Variants in SCN2A observed in about 807,000 individuals in gnomAD.
SCN2A encodes the protein sodium voltage-gated channel alpha subunit 2.
Under a neutral mutation model 188.7 loss-of-function variants are expected in SCN2A, and 20 were observed. That is an observed-to-expected ratio of 0.11 (90% CI 0.07 to 0.15). The LOEUF (loss-of-function observed/expected upper bound fraction) is 0.15. Among genes scored for constraint, SCN2A ranks in the 10% least tolerant of loss-of-function variants. The pLI is 1.00. For synonymous variants in SCN2A, 804 were observed against 833.1 expected (o/e 0.97, Z 0.60); for missense variants, 1,278 against 2,445.0 (o/e 0.52, Z 10.07).
chr2:165,366,878 A>G (rs369491285), intron 18 of SCN2A, among the ~76,000 whole-genome samples: 1 of 152,322 alleles, frequency 6.6e-6, no homozygotes, highest in African/African-American at 2.4e-5. Flanking sequence ...AAGTGTCCAT[A>G]TAGAGTGGAA....
intron 16 of SCN2A, among the ~76,000 whole-genome samples, chr2:165,350,856 GAA>G (rs978745209): frequency 1.2e-4 from 19 of 152,114 alleles, no homozygotes; most frequent in Non-Finnish European, 2.4e-4. Context: ...AGGAAGTCCA[GAA>G]AAAGAGAATA....
At chr2:165,296,209 C>A in intron 2 of SCN2A, 119 bp downstream of exon 2, 1 of 947,766 alleles carries the variant, frequency 1.1e-6, no homozygotes, top group African/African-American at 1.6e-5. Flanking sequence ...CACTAAGATG[C>A]TGGATGGGCC....
chr2:165,335,998 C>G (rs1197756435), intron 14 of SCN2A, among the ~76,000 whole-genome samples: 1 of 151,830 alleles, frequency 6.6e-6, no homozygotes, highest in African/African-American at 2.4e-5. Flanking sequence ...AAAAGATGGT[C>G]AGCGTCACTG....
chr2:165,386,163 G>T (rs1241917219), intron 25 of SCN2A, among the ~76,000 whole-genome samples: 1 of 151,992 alleles, frequency 6.6e-6, no homozygotes, highest in African/African-American at 2.4e-5. Context: ...CTATGAGGTA[G>T]CATTAAGAGA....
chr2:165,310,541 A>G lies in SCN2A; in HGVS notation c.916A>G (p.Thr306Ala), dbSNP rs370114048. 1.2e-6 allele frequency: 2 copies of G among 1,612,862 alleles called. No homozygotes were observed. The highest frequency in any genetic ancestry group is 4.5e-5 in the East Asian group (2 of 44,882). The change falls in exon 7 of 27, where the codon ACT becomes GCT. Residue 306 changes from threonine to alanine, a missense_variant. Thr to Ala is a moderately conservative substitution (Grantham distance 58). Around this residue, in one of 17 missense-constraint regions of SCN2A, gnomAD observed 45 missense variants for 58.1 expected, o/e 0.77. Coordinates refer to ENST00000375437, the MANE Select transcript of SCN2A (RefSeq NM_001040142.2). ...CAATTCATTGGATGGGAATGGTACT[A>G]CTTTCAATAGGACAGTGAGCATATT... ...FNNSLDGNGTTFNRTVSIFNW... is the reference protein window; with the variant it reads ...FNNSLDGNGTAFNRTVSIFNW...
intron 14 of SCN2A, among the ~76,000 whole-genome samples, chr2:165,333,354 C>T (rs1248752098): frequency 1.3e-5 from 2 of 151,920 alleles, no homozygotes; most frequent in African/African-American, 4.8e-5. Flanking sequence ...GATACACATT[C>T]TTCTCAAATG....
chr2:165,265,515 ATT>A (rs1694817288), intron 1 of SCN2A, among the ~76,000 whole-genome samples: 2 of 115,490 alleles, frequency 1.7e-5, no homozygotes, highest in Non-Finnish European at 3.5e-5. Flanking sequence ...ATATATATAT[ATT>A]GCTGTGCAGA....
chr2:165,376,975 T>C (rs1701349055), intron 22 of SCN2A, among the ~76,000 whole-genome samples: 1 of 151,728 alleles, frequency 6.6e-6, no homozygotes, highest in Non-Finnish European at 1.5e-5. Context: ...ACTGAAAAAA[T>C]GTACAAGAGT....
intron 20 of SCN2A, chr2:165,370,521 C>G: frequency 2.4e-6 from 1 of 421,658 alleles, no homozygotes; most frequent in Non-Finnish European, 4.2e-6. Flanking sequence ...TACTTATTCA[C>G]TTAATTTCAA....
chr2:165,347,685 A>C (rs1699672590), intron 16 of SCN2A, among the ~76,000 whole-genome samples: 1 of 152,190 alleles, frequency 6.6e-6, no homozygotes, highest in South Asian at 2.1e-4. Flanking sequence ...AAATATAACA[A>C]AGTGATATAA....
chr2:165,336,566 C>T (rs138234567), intron 14 of SCN2A, among the ~76,000 whole-genome samples: 1 of 151,884 alleles, frequency 6.6e-6, no homozygotes, highest in East Asian at 1.9e-4. Flanking sequence ...GAGTGGTTGC[C>T]AGGCAGTAGG....
chr2:165,352,121 G>A (rs896096623), intron 16 of SCN2A, among the ~76,000 whole-genome samples: 6 of 151,970 alleles, frequency 3.9e-5, no homozygotes, highest in Admixed American at 3.9e-4. Context: ...AGGAAAATAA[G>A]TCTAGGAAAT....
At chr2:165,331,282 A>G (rs200901390) in intron 13 of SCN2A, 48 bp from the exon 14 acceptor site, 19 of 1,361,244 alleles carry the variant, frequency 1.4e-5, no homozygotes, top group Non-Finnish European at 1.9e-5. Context: ...AATCTGCTTA[A>G]TAGAAAGTAA....
At position 165,327,025 on chromosome 2, in the gene SCN2A, G is replaced by A. The variant is rs1324813931; in HGVS notation, c.2149+41G>A. 1.9e-6 allele frequency: 3 copies of A among 1,611,732 alleles called. No individual in the cohort carries two copies. In the East Asian group the frequency reaches 6.7e-5, roughly 36 times the overall value. ...TGCGTCACAGTTACTTGGTGCTTTG[G>A]TAATGATGAAAAAACACTTCATAAA... On this transcript the variant is annotated intron_variant, in intron 13 of 26. Coordinates refer to ENST00000375437, the MANE Select transcript of SCN2A (RefSeq NM_001040142.2).
intron 1 of SCN2A, among the ~76,000 whole-genome samples, chr2:165,291,436 C>CTCTTTCTTTCTCTTTCTTTCTT (rs1553563560): frequency 1.5e-5 from 1 of 65,404 alleles, no homozygotes; most frequent in African/African-American, 5.5e-5. Context: ...GTCTTTCTTT[C>CTCTTTCTTTCTCTTTCTTTCTT]TCTTTCTTTC....
chr2:165,372,242 C>G (rs1269763946), intron 20 of SCN2A: 2 of 152,110 alleles, frequency 1.3e-5, no homozygotes, highest in African/African-American at 4.8e-5. Context: ...CATAATTTTA[C>G]AACTCATTGT....
chr2:165,324,683 A>G (rs952459532), intron 12 of SCN2A, among the ~76,000 whole-genome samples: 1 of 152,226 alleles, frequency 6.6e-6, no homozygotes, highest in African/African-American at 2.4e-5. Context: ...TTTAAGCATC[A>G]TAACAACCCT....
chr2:165,322,386 G>A (rs969082316), intron 11 of SCN2A, among the ~76,000 whole-genome samples: 1 of 152,118 alleles, frequency 6.6e-6, no homozygotes, highest in South Asian at 2.1e-4. Context: ...AGATAACCTG[G>A]TCTGAGAGTT....
Position 165,374,841 on chromosome 2 carries a change from G to A in SCN2A, c.4129G>A (p.Val1377Ile). ...TTACACCACTGGAGAGATGTTTGAT[G>A]TAAGCGTGGTCAACAACTACAGTGA... is the stretch of plus-strand genomic sequence containing the variant. Reference protein sequence around the residue: ...INYTTGEMFDVSVVNNYSECK... With the variant: ...INYTTGEMFDISVVNNYSECK... Residue 1377 changes from valine (V) to isoleucine (I), a missense_variant, in exon 22 of 27, where the codon GTA becomes ATA. Val to Ile is a conservative substitution (Grantham distance 29). Transcript: ENST00000375437. The A allele has an allele frequency of 6.2e-7, 1 of 1,613,584 alleles. No homozygotes were observed. The highest frequency in any genetic ancestry group is 8.5e-7 in the Non-Finnish European group (1 of 1,179,684).
Sources: allele counts gnomAD v4.1 joint callset (sites outside exome capture counted in the v4.1 genomes callset), GRCh38; gene constraint gnomAD v4.1.1; regional missense constraint gnomAD v4.1.1; transcripts MANE v1.5; gene names NCBI Gene and HGNC (gene_info 2026-07-23, HGNC 2026-07-21).